The following DNAH7 variants were observed in gnomAD, a reference collection of about 807,000 sequenced individuals.
DNAH7 encodes axonemal beta dynein heavy chain 7.
DNAH7 carries 397 observed loss-of-function variants against 444.6 expected under a neutral mutation model. The observed-to-expected ratio is 0.89, with a 90% CI of 0.82 to 0.97. DNAH7 has a LOEUF of 0.97. DNAH7 is among the 50% of genes least tolerant of loss of function. The pLI is 0.00. For synonymous variants in DNAH7, 1,636 were observed against 1,624.4 expected (o/e 1.01, Z -0.17); for missense variants, 4,902 against 4,800.8 (o/e 1.02, Z -0.62).
At position 195,816,875 on chromosome 2, in the gene DNAH7, A is replaced by G. The variant is rs1308196635; in HGVS notation, c.9514T>C (p.Leu3172=). 4 of 1,614,052 alleles carry G rather than the reference A, an allele frequency of 2.5e-6. No homozygotes were observed. The highest frequency in any genetic ancestry group is 1.1e-5 in the South Asian group (1 of 91,086). The change falls in exon 51 of 65, where the codon TTA becomes CTA. Residue 3172 remains leucine, a synonymous_variant. Coordinates refer to ENST00000312428, the MANE Select transcript of DNAH7 (RefSeq NM_018897.3). ...TTAGCCAAGGCCTTGGAGGAAGATA[A>G]TATCTTAATAGCAGTTTCATCTTCT... The part of the protein sequence containing the change: ...ILEDETAIKI[L]SSSKALANEI...
At chr2:195,964,526 GTT>G (rs34416268) in intron 17 of DNAH7, among the ~76,000 whole-genome samples, 11,284 of 118,832 alleles carry the variant, frequency 0.095, 774 homozygotes, top group African/African-American at 0.24. Context: ...AGTTCTAATA[GTT>G]TTTTTTTTTT....
chr2:195,759,004 A>G (rs1694215561), intron 61 of DNAH7, among the ~76,000 whole-genome samples: 1 of 152,218 alleles, frequency 6.6e-6, no homozygotes, highest in Non-Finnish European at 1.5e-5. Context: ...GTCCTGTGCT[A>G]GACTTGGAGC....
chr2:195,984,408 C>A (rs556684963), intron 15 of DNAH7, among the ~76,000 whole-genome samples: 1 of 151,898 alleles, frequency 6.6e-6, no homozygotes, highest in Admixed American at 6.6e-5. Flanking sequence ...AGTGCAGTGG[C>A]GCAATCTCGA....
intron 9 of DNAH7, among the ~76,000 whole-genome samples, chr2:196,015,648 C>G (rs911409771): frequency 6.6e-6 from 1 of 152,150 alleles, no homozygotes; most frequent in African/African-American, 2.4e-5. Context: ...AACATCTTTT[C>G]TAGAGAGCAT....
intron 24 of DNAH7, among the ~76,000 whole-genome samples, chr2:195,917,442 A>G (rs934448882): frequency 2.0e-5 from 3 of 152,196 alleles, no homozygotes; most frequent in South Asian, 2.1e-4. Flanking sequence ...AAAGAATCAC[A>G]GGAGAAAGAA....
At chr2:195,845,283 C>T (rs1559139403) in intron 46 of DNAH7, 118 bp from the exon 47 acceptor site, 5 of 739,838 alleles carry the variant, frequency 6.8e-6, no homozygotes, top group Non-Finnish European at 9.9e-6. Context: ...GGAAACTCTA[C>T]CTCAAAAATG....
intron 24 of DNAH7, among the ~76,000 whole-genome samples, chr2:195,915,073 G>A (rs555821663): frequency 2.0e-5 from 3 of 152,314 alleles, no homozygotes; most frequent in East Asian, 1.9e-4. Flanking sequence ...GCCAGGAAAC[G>A]AGTTGGTGCT....
chr2:196,009,088 G>C (rs1025912938), intron 10 of DNAH7, among the ~76,000 whole-genome samples: 2 of 152,072 alleles, frequency 1.3e-5, no homozygotes, highest in Non-Finnish European at 2.9e-5. Context: ...CTCAGAGCAA[G>C]AACTCACTTA....
rs751465302 is a variant in DNAH7 at position 195,756,253 on chromosome 2, T to C, written c.11466A>G (p.Glu3822=). The change falls in exon 62 of 65, where the codon GAA becomes GAG. Residue 3822 remains glutamate, a synonymous_variant. Coordinates refer to ENST00000312428, the MANE Select transcript of DNAH7 (RefSeq NM_018897.3). ...GLAVMSTDLE[E]VVSSILNVKI... ...TGACATTCAAAATGCTGCTAACCACTTCTTCAAGATCTGTAGACATGACTG... is the reference window on the plus strand; with the variant it reads ...TGACATTCAAAATGCTGCTAACCACCTCTTCAAGATCTGTAGACATGACTG... 6 of 1,613,488 alleles carry C rather than the reference T, an allele frequency of 3.7e-6. No individual in the cohort carries two copies. In the Admixed American group the frequency reaches 6.7e-5, roughly 18 times the overall value.
chr2:195,864,440 T>C lies in DNAH7; in HGVS notation c.7215A>G (p.Glu2405=), dbSNP rs375655689. The C allele has an allele frequency of 3.1e-6, 5 of 1,614,094 alleles. No homozygotes were observed. In the African/African-American group the frequency reaches 5.3e-5, roughly 17 times the overall value. ...VFLFTDTQIK[E]ESFLEDVSNL... ...TACTGACATCTTCCAGAAAAGACTC[T>C]TCTTTAATTTGAGTATCTGTAAACA... The change falls in exon 41 of 65, where the codon GAA becomes GAG. Residue 2405 remains glutamate, a synonymous_variant. Coordinates refer to ENST00000312428, the MANE Select transcript of DNAH7 (RefSeq NM_018897.3).
At chr2:195,771,637 T>G in intron 61 of DNAH7, 23 bp downstream of exon 61, 1 of 1,550,806 alleles carries the variant, frequency 6.4e-7, no homozygotes, top group East Asian at 2.3e-5. Flanking sequence ...AATGGGGGTT[T>G]TTTTTGGTGT....
intron 1 of DNAH7, among the ~76,000 whole-genome samples, chr2:196,066,805 T>C (rs540279532): frequency 7.2e-5 from 11 of 152,312 alleles, no homozygotes; most frequent in African/African-American, 2.6e-4. Context: ...TGAATGAATA[T>C]ACAAGTAAAT....
chr2:195,817,518 T>C (rs1055451260), intron 50 of DNAH7, among the ~76,000 whole-genome samples, 178 bp downstream of exon 50: 4 of 152,218 alleles, frequency 2.6e-5, no homozygotes, highest in African/African-American at 9.6e-5. Context: ...TGTAAAAATA[T>C]ACTCAGTAAC....
intron 24 of DNAH7, among the ~76,000 whole-genome samples, chr2:195,913,886 T>C (rs1230442231): frequency 6.6e-6 from 1 of 152,184 alleles, no homozygotes; most frequent in African/African-American, 2.4e-5. Context: ...CAGCAAGTTT[T>C]TGTATTTTTA....
rs770015187 is a variant in DNAH7 at position 195,794,380 on chromosome 2, G to C, written c.10674C>G (p.Asp3558Glu). The C allele has an allele frequency of 6.2e-7, 1 of 1,614,068 alleles. No homozygotes were observed. The highest frequency in any genetic ancestry group is 1.7e-5 in the Admixed American group (1 of 60,010). The stretch of plus-strand genomic sequence containing the variant: ...CAAAGAACTCCGGATCAGAGATCGG[G>C]TCCATGAGGTATGATCGAATGATAT... ...RANIIRSYLM[D>E]PISDPEFFGS... is the part of the protein sequence containing the mutation. The change falls in exon 57 of 65, where the codon GAC becomes GAG. Residue 3558 changes from aspartate (D) to glutamate (E), a missense_variant. By Grantham distance (45) the Asp-to-Glu change is conservative. Transcript: ENST00000312428.
At chr2:195,786,350 A>G (rs1463219209) in intron 58 of DNAH7, among the ~76,000 whole-genome samples, 2 of 152,354 alleles carry the variant, frequency 1.3e-5, no homozygotes, top group East Asian at 1.9e-4. Context: ...TCATATTTTT[A>G]TAGGACATTT....
intron 63 of DNAH7, among the ~76,000 whole-genome samples, chr2:195,742,410 C>T (rs574016529): frequency 6.6e-6 from 1 of 152,254 alleles, no homozygotes; most frequent in Admixed American, 6.5e-5. Flanking sequence ...ATTAGTTATT[C>T]CTCATTTGGG....
At chr2:195,769,593 C>T (rs1694742237) in intron 61 of DNAH7, among the ~76,000 whole-genome samples, 1 of 151,932 alleles carries the variant, frequency 6.6e-6, no homozygotes, top group Admixed American at 6.6e-5. Context: ...ATGCATCAGC[C>T]CTGGGTCTAG....
chr2:195,944,970 A>C (rs775827921), intron 19 of DNAH7, among the ~76,000 whole-genome samples: 2 of 151,932 alleles, frequency 1.3e-5, no homozygotes, highest in Non-Finnish European at 2.9e-5. Context: ...CAGATTGTTC[A>C]TTCTGGAAGT....
Sources: gnomAD v4.1 joint callset for allele counts (sites outside exome capture counted in the v4.1 genomes callset) on GRCh38, gnomAD v4.1.1 for gene constraint, MANE v1.5 for transcripts, NCBI Gene and HGNC (gene_info 2026-07-23, HGNC 2026-07-21) for gene names.